The following RNF216 variants were observed in gnomAD, a reference collection of about 807,000 sequenced individuals.
RNF216 encodes E3 ubiquitin-protein ligase RNF216.
Under a neutral mutation model 110.8 loss-of-function variants are expected in RNF216, and 72 were observed. That is an observed-to-expected ratio of 0.65 (90% CI 0.54 to 0.79). The LOEUF (loss-of-function observed/expected upper bound fraction) is 0.79, where lower values mean the gene tolerates loss of function less well. RNF216 is among the 30% of genes least tolerant of loss of function. RNF216 has a pLI of 0.00. For synonymous variants in RNF216, 495 were observed against 407.5 expected (o/e 1.21, Z -2.59); for missense variants, 1,342 against 1,141.2 (o/e 1.18, Z -2.54).
Position 5,668,741 on chromosome 7 carries a change from CT to C in RNF216, c.2062-16232del, listed in dbSNP as rs896393826. Among the ~76,000 whole-genome samples the C allele has an allele frequency of 3.7e-4, 57 of 152,300 alleles. 1 individual carries two copies. Among genetic ancestry groups the C allele is most frequent in the African/African-American group, 1.4e-3 (57 of 41,578 alleles). Reference sequence around the variant, plus strand: ...GAGATCCCAGTCCCGAGGAAGAACGCTGTTAGGAAGTAGCCGGGGTCTGCTG... The same window carrying C: ...GAGATCCCAGTCCCGAGGAAGAACGCGTTAGGAAGTAGCCGGGGTCTGCTG... On this transcript the variant is annotated intron_variant, in intron 13 of 16. Coordinates refer to ENST00000389902, the MANE Select transcript of RNF216 (RefSeq NM_207111.4).
chr7:5,671,941 GACA>G (rs1789947766), intron 13 of RNF216, among the ~76,000 whole-genome samples: 1 of 151,994 alleles, frequency 6.6e-6, no homozygotes, highest in Admixed American at 6.6e-5. Flanking sequence ...GAAATCTGCT[GACA>G]ACTTCATTTC....
At chr7:5,703,049 G>A (rs186960775) in intron 13 of RNF216, among the ~76,000 whole-genome samples, 115 of 152,290 alleles carry the variant, frequency 7.6e-4, no homozygotes, top group African/African-American at 2.6e-3. Flanking sequence ...CCCATGCTGG[G>A]CTCTGAAGAA....
intron 14 of RNF216, among the ~76,000 whole-genome samples, chr7:5,646,846 C>CT (rs1303329216): frequency 6.6e-5 from 10 of 152,048 alleles, no homozygotes; most frequent in East Asian, 1.9e-4. Flanking sequence ...TTGGAGTACT[C>CT]TGAGTTGACT....
chr7:5,757,997 A>G (rs1052906659), intron 2 of RNF216, among the ~76,000 whole-genome samples: 4 of 152,198 alleles, frequency 2.6e-5, no homozygotes, highest in African/African-American at 7.2e-5. Flanking sequence ...TCTCTTGATT[A>G]AAGAAAAAAA....
intron 13 of RNF216, among the ~76,000 whole-genome samples, chr7:5,701,267 TGG>T (rs1562405617): frequency 6.6e-6 from 1 of 152,204 alleles, no homozygotes; most frequent in East Asian, 1.9e-4. Flanking sequence ...GGCAGAACAC[TGG>T]GGAGCTGGTA....
chr7:5,679,260 A>G (rs1385844473), intron 13 of RNF216, among the ~76,000 whole-genome samples: 2 of 152,186 alleles, frequency 1.3e-5, no homozygotes, highest in Non-Finnish European at 2.9e-5. Flanking sequence ...GCATCTGAAC[A>G]TGGCCATGCT....
intron 11 of RNF216, among the ~76,000 whole-genome samples, chr7:5,714,604 A>C (rs1792924117): frequency 6.6e-6 from 1 of 152,206 alleles, no homozygotes; most frequent in Non-Finnish European, 1.5e-5. Flanking sequence ...TGCTGGAACA[A>C]AATACCACAA....
intron 1 of RNF216, among the ~76,000 whole-genome samples, chr7:5,779,656 TA>T (rs34915284): frequency 0.79 from 88,304 of 112,406 alleles, 35,033 homozygotes; most frequent in Middle Eastern, 0.86. Context: ...CTCCGTCTCT[TA>T]AAAAAAAAAA....
rs915211699 is a variant in RNF216, at chr7:5,678,044, C to T, written c.2062-25534G>A. Among the ~76,000 whole-genome samples, 6 of 152,210 alleles carry T rather than the reference C, an allele frequency of 3.9e-5. No homozygotes were observed. The South Asian group carries it at 1.2e-3, about 32-fold the overall frequency. The stretch of plus-strand genomic sequence containing the variant: ...CTACCTTCTCCTACACACCTGTCTT[C>T]GTCTTGGTGGTACTGAGGTTTCCTC... On this transcript the variant is annotated intron_variant, in intron 13 of 16. Coordinates refer to ENST00000389902, the MANE Select transcript of RNF216 (RefSeq NM_207111.4).
chr7:5,688,627 G>A (rs751792052), intron 13 of RNF216, among the ~76,000 whole-genome samples: 13 of 152,196 alleles, frequency 8.5e-5, no homozygotes, highest in Non-Finnish European at 1.5e-4. Context: ...TTTATACAAA[G>A]TGAGCAGAAG....
chr7:5,707,435 T>C (rs1286494559), intron 13 of RNF216, among the ~76,000 whole-genome samples: 1 of 152,194 alleles, frequency 6.6e-6, no homozygotes, highest in African/African-American at 2.4e-5. Flanking sequence ...TTGGAGTGTT[T>C]GTTAGTGTAC....
At chr7:5,739,416 A>C in intron 4 of RNF216, 64 bp from the exon 5 acceptor site, 1 of 1,480,472 alleles carries the variant, frequency 6.8e-7, no homozygotes, top group Non-Finnish European at 9.4e-7. Flanking sequence ...TGGCAATACA[A>C]GACAGATGGC....
intron 3 of RNF216, among the ~76,000 whole-genome samples, chr7:5,742,988 C>A (rs1318538138): frequency 2.0e-5 from 3 of 151,978 alleles, no homozygotes; most frequent in East Asian, 3.9e-4. Context: ...GTAGGCCAGG[C>A]GTGGTGGCTC....
At chr7:5,718,646 G>T (rs976671044) in intron 9 of RNF216, among the ~76,000 whole-genome samples, 10 of 151,278 alleles carry the variant, frequency 6.6e-5, no homozygotes, top group African/African-American at 2.4e-4. Context: ...GACCTCCCAT[G>T]TTCAAGCAAT....
chr7:5,730,975 A>C (rs945312484), intron 5 of RNF216, among the ~76,000 whole-genome samples, 158 bp from the exon 6 acceptor site: 1 of 152,240 alleles, frequency 6.6e-6, no homozygotes, highest in Admixed American at 6.5e-5. Context: ...CTAAACCAAT[A>C]AACAAACAAC....
intron 13 of RNF216, among the ~76,000 whole-genome samples, chr7:5,687,639 T>C (rs1291234628): frequency 1.3e-5 from 2 of 152,038 alleles, no homozygotes; most frequent in Non-Finnish European, 2.9e-5. Flanking sequence ...ACAGATCTCA[T>C]TACAGAGGAG....
At chr7:5,671,829 A>AT (rs1789936831) in intron 13 of RNF216, among the ~76,000 whole-genome samples, 1 of 144,998 alleles carries the variant, frequency 6.9e-6, no homozygotes, top group Non-Finnish European at 1.5e-5. Flanking sequence ...AAAAAAAAAA[A>AT]GGACAGAGAG....
At chr7:5,765,538 G>A (rs1008399717) in intron 1 of RNF216, among the ~76,000 whole-genome samples, 1 of 151,874 alleles carries the variant, frequency 6.6e-6, no homozygotes, top group Non-Finnish European at 1.5e-5. Flanking sequence ...GCTGAAGCAG[G>A]AGGACTGCTT....
At chr7:5,651,173 T>A (rs1193571675) in intron 14 of RNF216, among the ~76,000 whole-genome samples, 1 of 152,144 alleles carries the variant, frequency 6.6e-6, no homozygotes, top group Non-Finnish European at 1.5e-5. Flanking sequence ...CTAGTTACAA[T>A]CATGCAGAAG....
Sources: allele counts gnomAD v4.1 joint callset (sites outside exome capture counted in the v4.1 genomes callset), GRCh38; gene constraint gnomAD v4.1.1; transcripts MANE v1.5; gene names NCBI Gene and HGNC (gene_info 2026-07-23, HGNC 2026-07-21).